ME3: variants seen among roughly 807,000 people sequenced by gnomAD.
ME3 encodes NADP-dependent malic enzyme, mitochondrial.
In ME3, 48 loss-of-function variants were observed where a neutral mutation model predicts 68.9. The ratio of observed to expected loss-of-function variants is 0.70; its 90% CI spans 0.55 to 0.89. The LOEUF is 0.89. Among genes scored for constraint, ME3 ranks in the 40% least tolerant of loss-of-function variants. ME3 has a pLI of 0.00. For missense variants in ME3, 675 were observed against 797.4 expected, an observed-to-expected ratio of 0.85 and a Z score of 1.85; for synonymous variants, 320 against 318.8, an observed-to-expected ratio of 1.00 and a Z score of -0.04.
chr11:86,575,147 T>A (rs1161207331), intron 2 of ME3, among the ~76,000 whole-genome samples: 1 of 147,330 alleles, frequency 6.8e-6, no homozygotes, highest in Admixed American at 6.7e-5. Flanking sequence ...CTAACATTTT[T>A]AAAATGTGCT....
At chr11:86,468,035 C>T (rs1456704358) in intron 7 of ME3, among the ~76,000 whole-genome samples, 1 of 152,084 alleles carries the variant, frequency 6.6e-6, no homozygotes, top group Non-Finnish European at 1.5e-5. Context: ...TGGCTGCTTT[C>T]TGGACCTTTT....
chr11:86,588,727 G>C (rs1038728004), intron 2 of ME3, among the ~76,000 whole-genome samples: 2 of 152,168 alleles, frequency 1.3e-5, no homozygotes, highest in African/African-American at 2.4e-5. Context: ...TGAAGGGCAG[G>C]GGAGGGCCCT....
intron 8 of ME3, among the ~76,000 whole-genome samples, chr11:86,455,596 G>T (rs1190647111): frequency 6.6e-6 from 1 of 151,964 alleles, no homozygotes; most frequent in African/African-American, 2.4e-5. Context: ...TTTATTCATT[G>T]TTCCCTACAC....
intron 5 of ME3, among the ~76,000 whole-genome samples, chr11:86,503,764 C>T (rs944734699): frequency 2.0e-5 from 3 of 152,206 alleles, no homozygotes; most frequent in African/African-American, 7.2e-5. Flanking sequence ...AGAGGATGTG[C>T]CCAGTAGCAG....
At chr11:86,536,957 TA>T (rs1955709029) in intron 4 of ME3, among the ~76,000 whole-genome samples, 1 of 151,806 alleles carries the variant, frequency 6.6e-6, no homozygotes, top group African/African-American at 2.4e-5. Flanking sequence ...TATGCAGCCA[TA>T]AAAAATGATG....
chr11:86,575,967 T>C, intron 2 of ME3, among the ~76,000 whole-genome samples: 1 of 152,200 alleles, frequency 6.6e-6, no homozygotes, highest in East Asian at 1.9e-4. Flanking sequence ...CAGTTCTGGG[T>C]CTGAAAGTCT....
At chr11:86,462,420 G>T in intron 8 of ME3, 1 of 303,514 alleles carries the variant, frequency 3.3e-6, no homozygotes, top group Non-Finnish European at 4.8e-6. Context: ...TAAGTTTCTG[G>T]AGAGGCAAAA....
chr11:86,450,059 T>C, intron 9 of ME3, 57 bp from the exon 10 acceptor site: 1 of 1,360,466 alleles, frequency 7.4e-7, no homozygotes, highest in Non-Finnish European at 1.0e-6. Flanking sequence ...GCTGAACATT[T>C]ATCTGATGTC....
chr11:86,458,089 A>C (rs1231500067), intron 8 of ME3, among the ~76,000 whole-genome samples: 1 of 152,216 alleles, frequency 6.6e-6, no homozygotes, highest in East Asian at 1.9e-4. Flanking sequence ...GGGACAGAAC[A>C]ACCTCTGCTA....
intron 4 of ME3, among the ~76,000 whole-genome samples, chr11:86,520,200 C>T (rs908035223): frequency 9.2e-5 from 14 of 152,228 alleles, no homozygotes; most frequent in Non-Finnish European, 4.4e-5. Flanking sequence ...GTGCTCCTGA[C>T]TTTAGAGCCC....
chr11:86,524,615 T>A (rs1954589600), intron 4 of ME3, among the ~76,000 whole-genome samples: 1 of 152,188 alleles, frequency 6.6e-6, no homozygotes, highest in East Asian at 1.9e-4. Flanking sequence ...AATTTGTAAG[T>A]GGAAGACCCC....
chr11:86,533,342 A>G (rs1487604338), intron 4 of ME3, among the ~76,000 whole-genome samples: 2 of 152,168 alleles, frequency 1.3e-5, no homozygotes, highest in Non-Finnish European at 2.9e-5. Context: ...AATACAAAAG[A>G]TCATAAAAGA....
At position 86,441,429 on chromosome 11, in the gene ME3, G is replaced by A. The variant is rs377200211; in HGVS notation, c.1665C>T (p.Tyr555=). ...AGGAAGCCAGGTTGTGTTTGTACGC[G>A]TAGTCGAGAACCTAGAGAAAAACAT... Residue 555 remains tyrosine, a synonymous_variant, in exon 15 of 15, where the codon TAC becomes TAT. Coordinates refer to ENST00000543262, the Ensembl canonical transcript of ME3. 43 of 1,594,974 alleles carry A rather than the reference G, an allele frequency of 2.7e-5. No individual in the cohort carries two copies. The East Asian group carries it at 4.3e-4, about 16-fold the overall frequency.
At chr11:86,598,849 G>A (rs891018813) in intron 2 of ME3, among the ~76,000 whole-genome samples, 3 of 152,314 alleles carry the variant, frequency 2.0e-5, no homozygotes, top group African/African-American at 7.2e-5. Context: ...AGGGTCTGGA[G>A]TGGACCTCTA....
rs543251003 is a variant in ME3, at chr11:86,557,642, A to G, written c.318-940T>C. 1.8e-4 allele frequency among the ~76,000 whole-genome samples: 28 copies of G among 152,124 alleles called. No individual in the cohort carries two copies. The South Asian group carries it at 5.4e-3, about 29-fold the overall frequency. ...GGTCTCAGCCTCTTCCTCTGTACCA[A>G]AGGAATTACTCCTTTGGTGGAAAAC... On this transcript the variant is annotated intron_variant, in intron 3 of 14. Transcript: ENST00000543262.
At chr11:86,504,407 T>TTTTTTTTTTTTTTTTTA (rs1491166256) in intron 5 of ME3, among the ~76,000 whole-genome samples, 12 of 125,562 alleles carry the variant, frequency 9.6e-5, no homozygotes, top group African/African-American at 3.6e-4. Flanking sequence ...TTTTTTTTTT[T>TTTTTTTTTTTTTTTTTA]GAGACAGAGT....
chr11:86,522,641 T>G (rs1954410192), intron 4 of ME3, among the ~76,000 whole-genome samples: 2 of 152,178 alleles, frequency 1.3e-5, no homozygotes, highest in Admixed American at 1.3e-4. Flanking sequence ...TTTGGTTTTC[T>G]GTTTCTGTGT....
intron 2 of ME3, among the ~76,000 whole-genome samples, chr11:86,619,810 G>A (rs4943949): frequency 0.39 from 58,677 of 152,040 alleles, 11,988 homozygotes; most frequent in East Asian, 0.7. Context: ...ATACCTTTTA[G>A]AAGTGGAAAT....
chr11:86,542,329 T>C (rs1228958707), intron 4 of ME3, among the ~76,000 whole-genome samples: 1 of 152,078 alleles, frequency 6.6e-6, no homozygotes, highest in Non-Finnish European at 1.5e-5. Flanking sequence ...AGAAGTAGGC[T>C]TCAGAAGGTG....
Sources: allele counts gnomAD v4.1 joint callset (sites outside exome capture counted in the v4.1 genomes callset), GRCh38; gene constraint gnomAD v4.1.1; transcripts MANE v1.5; gene names NCBI Gene and HGNC (gene_info 2026-07-23, HGNC 2026-07-21).